The following ESRRG variants were observed in gnomAD, a reference collection of about 807,000 sequenced individuals.
ESRRG encodes estrogen-related receptor gamma.
In ESRRG, 13 loss-of-function variants were observed where a neutral mutation model predicts 44.0. The ratio of observed to expected loss-of-function variants is 0.30; its 90% CI spans 0.19 to 0.47. ESRRG has a LOEUF of 0.47. Among genes scored for constraint, ESRRG ranks in the 20% least tolerant of loss-of-function variants. ESRRG has a pLI of 1.00. For missense variants in ESRRG, 395 were observed against 580.6 expected (o/e 0.68, Z 3.29); for synonymous variants, 215 against 214.6 (o/e 1.00, Z -0.02).
chr1:216,923,462 T>G (rs1054577646), intron 2 of ESRRG, among the ~76,000 whole-genome samples: 1 of 152,112 alleles, frequency 6.6e-6, no homozygotes, highest in Non-Finnish European at 1.5e-5. Flanking sequence ...TTCTGCATTT[T>G]TTTTTTCAAA....
chr1:216,877,553 A>G (rs1012784663), intron 2 of ESRRG, among the ~76,000 whole-genome samples: 1 of 151,742 alleles, frequency 6.6e-6, no homozygotes, highest in African/African-American at 2.4e-5. Flanking sequence ...ACAGGCACGC[A>G]CCACCATACC....
intron 5 of ESRRG, among the ~76,000 whole-genome samples, chr1:216,555,488 T>C (rs532314817): frequency 6.6e-6 from 1 of 151,800 alleles, no homozygotes; most frequent in East Asian, 1.9e-4. Context: ...GTGTGTGTTA[T>C]CATATCAGAA....
At chr1:216,576,335 G>T (rs1295629004) in intron 3 of ESRRG, among the ~76,000 whole-genome samples, 1 of 69,244 alleles carries the variant, frequency 1.4e-5, no homozygotes, top group Non-Finnish European at 3.2e-5. Flanking sequence ...CCATTAGGAG[G>T]GCTTTTTTTT....
chr1:216,937,917 A>ATTTTTT (rs111237282), intron 2 of ESRRG, among the ~76,000 whole-genome samples: 1 of 150,188 alleles, frequency 6.7e-6, no homozygotes, highest in Non-Finnish European at 1.5e-5. Flanking sequence ...CTGCTTTATT[A>ATTTTTT]TTTTTTTTTT....
chr1:216,776,026 C>T (rs1403610898), intron 2 of ESRRG, among the ~76,000 whole-genome samples: 1 of 152,036 alleles, frequency 6.6e-6, no homozygotes, highest in East Asian at 1.9e-4. Context: ...TCCAACAAAA[C>T]CAGAGTGATC....
chr1:216,725,550 C>T (rs1476522738), upstream of ESRRG, among the ~76,000 whole-genome samples: 3 of 151,962 alleles, frequency 2.0e-5, no homozygotes, highest in Admixed American at 6.6e-5. Context: ...CTAAAATACA[C>T]TCAAAGAAAT....
chr1:216,689,435 C>T (rs1450442453), intron 1 of ESRRG, among the ~76,000 whole-genome samples: 2 of 152,070 alleles, frequency 1.3e-5, no homozygotes, highest in African/African-American at 4.8e-5. Flanking sequence ...ATTGGAGAGA[C>T]TGTGATATAA....
intron 3 of ESRRG, among the ~76,000 whole-genome samples, chr1:216,573,953 A>G (rs116388087): frequency 0.012 from 1,775 of 152,166 alleles, 37 homozygotes; most frequent in African/African-American, 0.04. Context: ...AAACAACAAC[A>G]TAATCCAAAT....
chr1:216,926,326 C>G lies in ESRRG; in HGVS notation c.-14+13256G>C, dbSNP rs779139325. On this transcript the variant is annotated intron_variant, in intron 2 of 7. Coordinates refer to the ESRRG transcript ENST00000359162. The stretch of plus-strand genomic sequence containing the variant: ...TCCAGAGCCAAAGAAACTGAGGAGA[C>G]AGAGGACTTGTTCCCTGGCCTGTTC... Among the ~76,000 whole-genome samples the G allele has an allele frequency of 3.2e-4, 49 of 151,386 alleles. 1 individual carries two copies. The highest frequency in any genetic ancestry group is 5.3e-4 in the Non-Finnish European group (36 of 67,968).
chr1:216,923,896 C>A (rs959921046), intron 2 of ESRRG, among the ~76,000 whole-genome samples: 1 of 152,154 alleles, frequency 6.6e-6, no homozygotes, highest in Admixed American at 6.5e-5. Flanking sequence ...CATTACTGCA[C>A]CACCAGGCAG....
chr1:217,034,318 G>A (rs1051128002), intron 1 of ESRRG, among the ~76,000 whole-genome samples: 26 of 152,088 alleles, frequency 1.7e-4, no homozygotes, highest in South Asian at 6.2e-4. Context: ...AATATCTTTC[G>A]TACCCATATA....
chr1:216,693,775 A>T (rs1380132987), intron 1 of ESRRG, among the ~76,000 whole-genome samples: 1 of 152,200 alleles, frequency 6.6e-6, no homozygotes, highest in Middle Eastern at 3.2e-3. Flanking sequence ...GAGCCCACAG[A>T]CATGGAGAAA....
intron 5 of ESRRG, among the ~76,000 whole-genome samples, chr1:216,532,696 C>A (rs2049750852): frequency 6.6e-6 from 1 of 152,106 alleles, no homozygotes; most frequent in South Asian, 2.1e-4. Flanking sequence ...CTCTGAGCAC[C>A]AGCTCCTCCT....
chr1:217,107,030 T>C (rs1016914429), intron 1 of ESRRG, among the ~76,000 whole-genome samples: 2 of 152,204 alleles, frequency 1.3e-5, no homozygotes, highest in African/African-American at 4.8e-5. Context: ...ATGGATTAGA[T>C]TGATCATTGT....
intron 6 of ESRRG, among the ~76,000 whole-genome samples, chr1:216,514,959 TACACACAC>T (rs35668576): frequency 3.4e-4 from 50 of 149,156 alleles, no homozygotes; most frequent in Non-Finnish European, 6.8e-4. Flanking sequence ...TTTTACTTTA[TACACACAC>T]ACACACACAC....
chr1:216,918,276 T>A (rs2149684176), intron 2 of ESRRG, among the ~76,000 whole-genome samples: 1 of 152,288 alleles, frequency 6.6e-6, no homozygotes, highest in African/African-American at 2.4e-5. Context: ...TCATGTTAAA[T>A]GTGCTAATGA....
chr1:216,552,835 A>C (rs1458321993), intron 5 of ESRRG, among the ~76,000 whole-genome samples: 1 of 152,176 alleles, frequency 6.6e-6, no homozygotes, highest in Non-Finnish European at 1.5e-5. Flanking sequence ...CTTCCTCTAG[A>C]CATGCTTTTA....
intron 5 of ESRRG, among the ~76,000 whole-genome samples, chr1:216,555,830 ATAT>A (rs1170119046): frequency 6.6e-6 from 1 of 152,138 alleles, no homozygotes; most frequent in African/African-American, 2.4e-5. Context: ...CTATTAATCA[ATAT>A]ATCCAGAGTG....
intron 2 of ESRRG, among the ~76,000 whole-genome samples, chr1:216,903,914 C>T (rs911839294): frequency 7.9e-5 from 12 of 152,058 alleles, no homozygotes; most frequent in African/African-American, 1.9e-4. Context: ...AAGGAGGACA[C>T]GCAAACCCTG....
Sources: allele counts gnomAD v4.1 joint callset (sites outside exome capture counted in the v4.1 genomes callset), GRCh38; gene constraint gnomAD v4.1.1; transcripts MANE v1.5; gene names NCBI Gene and HGNC (gene_info 2026-07-23, HGNC 2026-07-21).